Variants in SLC35A3 observed in about 807,000 individuals in gnomAD.
SLC35A3 encodes UDP-N-acetylglucosamine transporter.
Under a neutral mutation model 39.0 loss-of-function variants are expected in SLC35A3, and 26 were observed. The observed-to-expected ratio is 0.67, with a 90% confidence interval of 0.49 to 0.92. The LOEUF is 0.92. Among genes scored for constraint, SLC35A3 ranks in the 40% least tolerant of loss-of-function variants. The pLI, the probability that SLC35A3 is intolerant of heterozygous loss-of-function variation, is 0.00. For missense variants in SLC35A3, 299 were observed against 371.6 expected (o/e 0.80, Z 1.61); for synonymous variants, 135 against 133.1 (o/e 1.01, Z -0.10).
At chr1:99,972,321 G>C (rs780686672) in intron 1 of SLC35A3, among the ~76,000 whole-genome samples, 3 of 147,286 alleles carry the variant, frequency 2.0e-5, no homozygotes, top group Non-Finnish European at 4.5e-5. Context: ...GAAAGCATTT[G>C]TACTTACTAC....
At chr1:99,988,988 T>C (rs1657917808) in intron 1 of SLC35A3, among the ~76,000 whole-genome samples, 1 of 152,152 alleles carries the variant, frequency 6.6e-6, no homozygotes, top group South Asian at 2.1e-4. Context: ...CTCAAACTCC[T>C]GGCCTCAAGT....
At chr1:99,998,595 G>C (rs1207835215) in intron 2 of SLC35A3, among the ~76,000 whole-genome samples, 1 of 152,038 alleles carries the variant, frequency 6.6e-6, no homozygotes, top group Non-Finnish European at 1.5e-5. Context: ...AACTTGCTTG[G>C]TGCAGGGTTG....
rs750305753 is a variant in SLC35A3, at chr1:100,011,574, T to C, written c.634+41T>C. ...TTTCTAATATTATTTTAAAAATGAT[T>C]ATATTGTTATATTTAAAGATTTCTA... On this transcript the variant is annotated intron_variant, in intron 5 of 7. Coordinates refer to ENST00000533028, the MANE Select transcript of SLC35A3 (RefSeq NM_012243.3). 38 of 733,840 alleles carry C rather than the reference T, an allele frequency of 5.2e-5. 2 individuals carry two copies. In the South Asian group the frequency reaches 1.5e-3, roughly 29 times the overall value. 45.5% of individuals were successfully genotyped at this position (733,840 alleles called of 1,614,324 possible). A position where few individuals can be genotyped will look rare whatever the true frequency, so the allele number is the denominator to read the frequency against.
At chr1:99,983,269 G>A (rs1657560492) in intron 1 of SLC35A3, among the ~76,000 whole-genome samples, 1 of 151,990 alleles carries the variant, frequency 6.6e-6, no homozygotes, top group African/African-American at 2.4e-5. Flanking sequence ...GGCCAGGCGC[G>A]GTGGCTCATG....
At chr1:99,970,483 A>G (rs902920230) in intron 1 of SLC35A3, 2 of 1,276,544 alleles carry the variant, frequency 1.6e-6, no homozygotes, top group Non-Finnish European at 2.2e-6. Context: ...GTGCGTGCGG[A>G]GCTAGTGACG....
intron 4 of SLC35A3, among the ~76,000 whole-genome samples, chr1:100,010,000 A>G (rs1281361494): frequency 6.6e-6 from 1 of 152,178 alleles, no homozygotes; most frequent in Non-Finnish European, 1.5e-5. Flanking sequence ...GTAGAACTAC[A>G]CTGTCCAGTA....
chr1:99,982,253 G>A (rs1054899239), intron 1 of SLC35A3, among the ~76,000 whole-genome samples: 1 of 151,222 alleles, frequency 6.6e-6, no homozygotes, highest in African/African-American at 2.4e-5. Context: ...CGCCCACCTC[G>A]GCCTCCCAAA....
At chr1:99,990,345 G>A (rs1161486874) in intron 1 of SLC35A3, among the ~76,000 whole-genome samples, 1 of 152,120 alleles carries the variant, frequency 6.6e-6, no homozygotes, top group Non-Finnish European at 1.5e-5. Context: ...GGAGACCAAG[G>A]TGGGTGGATC....
At chr1:99,989,833 A>G (rs574078447) in intron 1 of SLC35A3, among the ~76,000 whole-genome samples, 3 of 151,246 alleles carry the variant, frequency 2.0e-5, no homozygotes, top group African/African-American at 7.3e-5. Context: ...TGGCATGAAC[A>G]TGGCTCACTG....
Position 100,005,168 on chromosome 1 carries a change from T to G in SLC35A3, c.343-1866T>G, listed in dbSNP as rs147408185. 5.3e-3 allele frequency among the ~76,000 whole-genome samples: 800 copies of G among 152,314 alleles called. 19 individuals carry two copies. The highest frequency in any genetic ancestry group is 0.04 in the Admixed American group (606 of 15,298). On this transcript the variant is annotated intron_variant, in intron 3 of 7. Transcript: ENST00000533028. ...CTAATTCTCTCCTGGCCTATAATGT[T>G]TCTCTTAAAAAACCTGCTGCTAAGA...
chr1:99,970,178 A>C lies in SLC35A3; in HGVS notation c.-19+16A>C. On this transcript the variant is annotated intron_variant, in intron 1 of 7. Coordinates refer to ENST00000533028, the MANE Select transcript of SLC35A3 (RefSeq NM_012243.3). The stretch of plus-strand genomic sequence containing the variant: ...TGCGCGGGAGGTGAGTCCTCAGCGC[A>C]CCTGGGGAGGGGCGGGAACCAGGAG... The C allele has an allele frequency of 5.6e-6, 1 of 177,262 alleles. No homozygotes were observed. The highest frequency in any genetic ancestry group is 1.2e-5 in the Non-Finnish European group (1 of 83,668). 11.0% of individuals were successfully genotyped at this position (177,262 alleles called of 1,614,324 possible).
At chr1:100,003,822 AT>A (rs1659002973) in intron 3 of SLC35A3, among the ~76,000 whole-genome samples, 1 of 152,168 alleles carries the variant, frequency 6.6e-6, no homozygotes, top group South Asian at 2.1e-4. Context: ...GTGCATGTAT[AT>A]TTAGAATTGC....
intron 2 of SLC35A3, among the ~76,000 whole-genome samples, chr1:99,996,107 G>A (rs1658384120): frequency 6.6e-6 from 1 of 152,102 alleles, no homozygotes; most frequent in Non-Finnish European, 1.5e-5. Context: ...CAGATTCCAG[G>A]TGGATTAAAG....
chr1:100,018,139 G>C (rs1253638873), intron 7 of SLC35A3, among the ~76,000 whole-genome samples: 1 of 152,132 alleles, frequency 6.6e-6, no homozygotes, highest in African/African-American at 2.4e-5. Context: ...TTAAAATACG[G>C]AATTTACATG....
intron 3 of SLC35A3, chr1:100,000,581 T>C (rs1040599724): frequency 6.6e-6 from 1 of 152,164 alleles, no homozygotes; most frequent in African/African-American, 2.4e-5. Flanking sequence ...TCCATTATTC[T>C]ATTTTTGTTT....
In SLC35A3 at chr1:100,024,658, C is replaced by T. The variant is rs1660794093; in HGVS notation, c.*2182C>T. The stretch of plus-strand genomic sequence containing the variant: ...TTTTTGAGACAGAGTCTCACTTTGT[C>T]GCCAGGCTGGAGTGCTGTGGCGCGA... On this transcript the variant is annotated 3_prime_UTR_variant, in exon 8 of 8. Coordinates refer to ENST00000533028, the MANE Select transcript of SLC35A3 (RefSeq NM_012243.3). The T allele has an allele frequency of 8.7e-6, 3 of 346,074 alleles. No homozygotes were observed. Among genetic ancestry groups the T allele is most frequent in the African/African-American group, 2.2e-5 (1 of 44,678 alleles). The allele number at this position is 346,074 out of a possible 1,614,324, so 21.4% of individuals were successfully genotyped here. A position where few individuals can be genotyped will look rare whatever the true frequency, so the allele number is the denominator to read the frequency against.
At chr1:99,988,332 C>CT (rs1657869623) in intron 1 of SLC35A3, among the ~76,000 whole-genome samples, 2 of 151,796 alleles carry the variant, frequency 1.3e-5, no homozygotes, top group African/African-American at 2.4e-5. Flanking sequence ...ATGTTTTTTA[C>CT]TTTTTTTGGG....
chr1:99,982,091 G>A (rs1657489338), intron 1 of SLC35A3, among the ~76,000 whole-genome samples: 1 of 144,958 alleles, frequency 6.9e-6, no homozygotes, highest in Non-Finnish European at 1.5e-5. Flanking sequence ...TGCAACCTCC[G>A]CCTCTTGGGT....
chr1:100,004,239 T>C (rs1474624681), intron 3 of SLC35A3, among the ~76,000 whole-genome samples: 1 of 152,174 alleles, frequency 6.6e-6, no homozygotes, highest in African/African-American at 2.4e-5. Context: ...TTCCAGTGAG[T>C]TTTATGCTTT....
Sources: allele counts gnomAD v4.1 joint callset (sites outside exome capture counted in the v4.1 genomes callset), GRCh38; gene constraint gnomAD v4.1.1; transcripts MANE v1.5; gene names NCBI Gene and HGNC (gene_info 2026-07-23, HGNC 2026-07-21).